PAG1: variants seen among roughly 807,000 people sequenced by gnomAD.
PAG1 encodes phosphoprotein associated with glycosphingolipid-enriched microdomains 1.
Under a neutral mutation model 31.7 loss-of-function variants are expected in PAG1, and 23 were observed. That is an observed-to-expected ratio of 0.73 (90% CI 0.52 to 1.03). The LOEUF (loss-of-function observed/expected upper bound fraction) is 1.03, where lower values mean the gene tolerates loss of function less well. Ranked by LOEUF, PAG1 falls within the 50% of genes least tolerant of loss-of-function variation. PAG1 has a pLI of 0.00. For synonymous variants in PAG1, 214 were observed against 210.3 expected, an observed-to-expected ratio of 1.02 and a Z score of -0.15; for missense variants, 473 against 540.7, an observed-to-expected ratio of 0.87 and a Z score of 1.24.
chr8:81,097,948 C>CT (rs1305215962), intron 1 of PAG1, among the ~76,000 whole-genome samples: 2 of 152,186 alleles, frequency 1.3e-5, no homozygotes, highest in African/African-American at 2.4e-5. Flanking sequence ...ACACTCTGCT[C>CT]TTTCCTATAA....
At chr8:80,986,129 G>A (rs1434749002) in intron 6 of PAG1, among the ~76,000 whole-genome samples, 2 of 152,202 alleles carry the variant, frequency 1.3e-5, no homozygotes, top group Admixed American at 1.3e-4. Flanking sequence ...TTAGGATGCA[G>A]ACACAAAGTA....
In PAG1 at chr8:81,000,425, T is replaced by G. The variant is rs1021946636; in HGVS notation, c.-80-7118A>C. Reference sequence around the variant, plus strand: ...CTAAGAGTGTCTTAAGGCAAATCCTTTTTTTTTGAGACAGCATCTTCCTCT... The same window carrying G: ...CTAAGAGTGTCTTAAGGCAAATCCTGTTTTTTTGAGACAGCATCTTCCTCT... On this transcript the variant is annotated intron_variant, in intron 3 of 8. Transcript: ENST00000220597. 2.6e-5 allele frequency among the ~76,000 whole-genome samples: 4 copies of G among 152,086 alleles called. No homozygotes were observed. In the South Asian group the frequency reaches 6.2e-4, roughly 24 times the overall value.
At chr8:81,104,675 A>AC (rs1304185111) in intron 1 of PAG1, among the ~76,000 whole-genome samples, 1 of 152,092 alleles carries the variant, frequency 6.6e-6, no homozygotes, top group Non-Finnish European at 1.5e-5. Flanking sequence ...CCCAAGCCAG[A>AC]CACCTGGGAG....
chr8:81,009,815 A>G (rs1473126999), intron 3 of PAG1, among the ~76,000 whole-genome samples: 1 of 152,136 alleles, frequency 6.6e-6, no homozygotes, highest in African/African-American at 2.4e-5. Context: ...GAATTTAGCT[A>G]TGTTGCCCAG....
At chr8:81,104,887 C>G (rs1052310240) in intron 1 of PAG1, among the ~76,000 whole-genome samples, 2 of 152,122 alleles carry the variant, frequency 1.3e-5, no homozygotes, top group African/African-American at 4.8e-5. Flanking sequence ...ATCTACAAAA[C>G]TAAATATGGC....
chr8:80,990,741 C>CCT lies in PAG1; in HGVS notation c.177+736_177+737dup, dbSNP rs763083057. 3.2e-4 allele frequency among the ~76,000 whole-genome samples: 49 copies of CCT among 152,124 alleles called. No homozygotes were observed. Among genetic ancestry groups the CCT allele is most frequent in the Non-Finnish European group, 7.4e-5 (5 of 68,014 alleles). ...AACGCCAGCAAGGCTAGGTTATATA[C>CCT]CTAGGGTGTTGTGGGTCCCAAGCTC... On this transcript the variant is annotated intron_variant, in intron 5 of 8. Coordinates refer to ENST00000220597, the MANE Select transcript of PAG1 (RefSeq NM_018440.4). This position sits in a 1 kb window ranked among gnomAD's most constrained non-coding sequence, Gnocchi z 5.1.
At chr8:81,065,507 T>C (rs1808988797) in intron 2 of PAG1, among the ~76,000 whole-genome samples, 2 of 152,104 alleles carry the variant, frequency 1.3e-5, no homozygotes, top group South Asian at 2.1e-4. Flanking sequence ...AAACTCGCCA[T>C]AGGTCACAAA....
chr8:81,069,477 T>C (rs1293946822), intron 2 of PAG1, among the ~76,000 whole-genome samples: 3 of 152,250 alleles, frequency 2.0e-5, no homozygotes, highest in South Asian at 2.1e-4. Context: ...ATAACCATTG[T>C]AGTAAATGAA....
At chr8:80,992,666 A>C (rs1019330403) in intron 4 of PAG1, among the ~76,000 whole-genome samples, 2 of 152,226 alleles carry the variant, frequency 1.3e-5, no homozygotes, top group Admixed American at 1.3e-4. Flanking sequence ...GAGAAACTGA[A>C]GGTCTACACT....
At chr8:81,107,253 C>T (rs142532314) in intron 1 of PAG1, among the ~76,000 whole-genome samples, 2 of 152,292 alleles carry the variant, frequency 1.3e-5, no homozygotes, top group African/African-American at 4.8e-5. Context: ...ATTTCCTGTG[C>T]TGTCAATTCC....
intron 1 of PAG1, among the ~76,000 whole-genome samples, chr8:81,098,799 G>C (rs1187243310): frequency 6.6e-6 from 1 of 152,108 alleles, no homozygotes; most frequent in East Asian, 1.9e-4. Flanking sequence ...AAGTTAACGT[G>C]AAAAAGAAAG....
chr8:81,016,320 C>A (rs990072473), intron 3 of PAG1, among the ~76,000 whole-genome samples: 12 of 152,150 alleles, frequency 7.9e-5, no homozygotes, highest in African/African-American at 2.7e-4. Context: ...TTGTTCAAGG[C>A]AAACTAGCTG....
intron 1 of PAG1, among the ~76,000 whole-genome samples, chr8:81,086,863 T>C (rs1208132004): frequency 6.6e-6 from 1 of 152,192 alleles, no homozygotes; most frequent in Non-Finnish European, 1.5e-5. Flanking sequence ...TACTCTCATG[T>C]ACTGCTTGTG....
intron 3 of PAG1, among the ~76,000 whole-genome samples, chr8:80,998,695 C>T (rs1284865822): frequency 6.6e-6 from 1 of 152,062 alleles, no homozygotes; most frequent in Non-Finnish European, 1.5e-5. Flanking sequence ...CTGATCATAG[C>T]AAATTCTATA....
At chr8:81,051,442 C>A (rs371885897) in intron 2 of PAG1, among the ~76,000 whole-genome samples, 4 of 152,138 alleles carry the variant, frequency 2.6e-5, no homozygotes, top group Admixed American at 2.6e-4. Context: ...CATCTTCCCA[C>A]CTTTTTTGGC....
intron 3 of PAG1, among the ~76,000 whole-genome samples, chr8:80,994,118 T>A (rs1807622243): frequency 6.6e-6 from 1 of 150,474 alleles, no homozygotes; most frequent in African/African-American, 2.5e-5. Context: ...TCCACTGCCA[T>A]CTCTCATCTC....
intron 7 of PAG1, among the ~76,000 whole-genome samples, chr8:80,984,254 T>C (rs1029971765): frequency 2.6e-5 from 4 of 152,154 alleles, no homozygotes; most frequent in African/African-American, 7.2e-5. Flanking sequence ...ATTTAGGAAG[T>C]ATAGGCTATA....
At chr8:81,082,845 T>G (rs1249362486) in intron 1 of PAG1, among the ~76,000 whole-genome samples, 1 of 152,216 alleles carries the variant, frequency 6.6e-6, no homozygotes, top group Non-Finnish European at 1.5e-5. Flanking sequence ...TTATGATGGC[T>G]GTTTTAAAAT....
In PAG1 at chr8:80,969,339, C is replaced by T. The variant is rs1807028631; in HGVS notation, c.*7205G>A. Reference sequence around the variant, plus strand: ...CATAGAAGCTTGTCAAAGGAATGCTCAAAATCCTCAACCCATAGACTCAGG... The same window carrying T: ...CATAGAAGCTTGTCAAAGGAATGCTTAAAATCCTCAACCCATAGACTCAGG... On this transcript the variant is annotated 3_prime_UTR_variant, in exon 9 of 9. Transcript: ENST00000220597. The T allele has an allele frequency of 6.6e-6, 1 of 152,186 alleles. No homozygotes were observed. The highest frequency in any genetic ancestry group is 6.5e-5 in the Admixed American group (1 of 15,282). The allele number at this position is 152,186 out of a possible 1,614,324, so 9.4% of individuals were successfully genotyped here. A position where few individuals can be genotyped will look rare whatever the true frequency, so the allele number is the denominator to read the frequency against.
Sources: gnomAD v4.1 joint callset for allele counts (sites outside exome capture counted in the v4.1 genomes callset) on GRCh38, gnomAD v4.1.1 for gene constraint, Gnocchi (gnomAD v3.1) non-coding constraint, MANE v1.5 for transcripts, NCBI Gene and HGNC (gene_info 2026-07-23, HGNC 2026-07-21) for gene names.